DPP6: variants seen among roughly 807,000 people sequenced by gnomAD.
DPP6 encodes the protein dipeptidyl peptidase like 6, also known as A-type potassium channel modulatory protein DPP6.
Under a neutral mutation model 122.6 loss-of-function variants are expected in DPP6, and 69 were observed. The observed-to-expected ratio is 0.56, with a 90% CI of 0.46 to 0.69. The LOEUF (loss-of-function observed/expected upper bound fraction) is 0.69. Ranked by LOEUF, DPP6 falls within the 30% of genes least tolerant of loss-of-function variation. DPP6 has a pLI of 0.00. For synonymous variants in DPP6, 418 were observed against 433.1 expected, an observed-to-expected ratio of 0.97 and a Z score of 0.43; for missense variants, 928 against 1,116.9, an observed-to-expected ratio of 0.83 and a Z score of 2.41.
At chr7:154,579,105 T>G (rs573629916) in intron 5 of DPP6, among the ~76,000 whole-genome samples, 1 of 152,204 alleles carries the variant, frequency 6.6e-6, no homozygotes, top group South Asian at 2.1e-4. Context: ...TCCCAGCACT[T>G]TGGGAGGCCA....
chr7:154,058,548 C>G (rs574297988), intron 1 of DPP6: 1 of 143,786 alleles, frequency 7.0e-6, no homozygotes, highest in Non-Finnish European at 1.5e-5. Flanking sequence ...GCTCTTAGGA[C>G]CCCCATCGCA....
At chr7:153,794,774 G>A in the DPP6 span, among the ~76,000 whole-genome samples, 1 of 152,180 alleles carries the variant, frequency 6.6e-6, no homozygotes, top group Non-Finnish European at 1.5e-5. Flanking sequence ...CCAGGAGGAG[G>A]TAATTAAATC....
At chr7:154,445,639 C>T (rs1819798597) in intron 1 of DPP6, among the ~76,000 whole-genome samples, 1 of 152,054 alleles carries the variant, frequency 6.6e-6, no homozygotes, top group African/African-American at 2.4e-5. Flanking sequence ...AATCTTGAAA[C>T]CTTGAATGAG....
At chr7:154,759,828 A>G (rs769208489) in intron 8 of DPP6, among the ~76,000 whole-genome samples, 4 of 152,222 alleles carry the variant, frequency 2.6e-5, no homozygotes, top group Non-Finnish European at 5.9e-5. Context: ...TTCAGAAAAG[A>G]AAAGCTTTAT....
In DPP6 at chr7:153,929,861, T is replaced by C. The variant is rs143920956; in HGVS notation, c.51+42127T>C. Among the ~76,000 whole-genome samples the C allele has an allele frequency of 2.6e-5, 4 of 152,354 alleles. No homozygotes were observed. The East Asian group carries it at 7.7e-4, about 29-fold the overall frequency. ...TTTGCATTACTTGAAGTGAATTATG[T>C]TCATTTTCCATAATTCTAAGTCAAA... On this transcript the variant is annotated intron_variant, in intron 1 of 25. Coordinates refer to the DPP6 transcript ENST00000404039.
At chr7:154,206,178 C>T (rs536807150) in intron 1 of DPP6, among the ~76,000 whole-genome samples, 2 of 152,234 alleles carry the variant, frequency 1.3e-5, no homozygotes, top group Admixed American at 6.5e-5. Context: ...TGGCCCTTCC[C>T]TCTCTTCTCT....
chr7:154,356,555 A>AT (rs374173912), intron 1 of DPP6, among the ~76,000 whole-genome samples: 2 of 152,128 alleles, frequency 1.3e-5, no homozygotes, highest in African/African-American at 4.8e-5. Flanking sequence ...ACAACATAGC[A>AT]AGACCTTATC....
chr7:154,437,173 G>T (rs922069526), intron 1 of DPP6, among the ~76,000 whole-genome samples: 2 of 152,164 alleles, frequency 1.3e-5, no homozygotes, highest in African/African-American at 2.4e-5. Flanking sequence ...CTCATCAATT[G>T]CCTCTCTGCA....
At chr7:153,816,687 G>C in the DPP6 span, among the ~76,000 whole-genome samples, 1 of 152,122 alleles carries the variant, frequency 6.6e-6, no homozygotes, top group Non-Finnish European at 1.5e-5. Context: ...AAGGAAGACA[G>C]GATCACATTA....
At chr7:154,605,200 G>A (rs1215545425) in intron 5 of DPP6, among the ~76,000 whole-genome samples, 2 of 119,476 alleles carry the variant, frequency 1.7e-5, no homozygotes, top group Non-Finnish European at 3.8e-5. Flanking sequence ...TAAATGAAAT[G>A]TCCAATATTA....
chr7:154,080,428 T>A (rs1803906074), intron 1 of DPP6, among the ~76,000 whole-genome samples: 1 of 152,184 alleles, frequency 6.6e-6, no homozygotes, highest in Non-Finnish European at 1.5e-5. Flanking sequence ...TTCTCTTATG[T>A]AAGAATGTTT....
intron 1 of DPP6, among the ~76,000 whole-genome samples, chr7:154,426,821 A>C (rs569012721): frequency 6.6e-6 from 1 of 151,942 alleles, no homozygotes; most frequent in South Asian, 2.1e-4. Flanking sequence ...AAAAAAAAAA[A>C]AAAAAAAAAA....
At chr7:154,795,367 G>A (rs1466063274) in intron 11 of DPP6, among the ~76,000 whole-genome samples, 2 of 152,194 alleles carry the variant, frequency 1.3e-5, no homozygotes, top group African/African-American at 4.8e-5. Flanking sequence ...ACCACTGTGA[G>A]ACCCACTTTT....
At chr7:154,422,243 G>A (rs1050746556) in intron 1 of DPP6, among the ~76,000 whole-genome samples, 4 of 152,192 alleles carry the variant, frequency 2.6e-5, no homozygotes, top group African/African-American at 9.7e-5. Context: ...AAATCAGGTT[G>A]AGGCTGGTCT....
intron 5 of DPP6, among the ~76,000 whole-genome samples, chr7:154,632,169 G>A (rs766901174): frequency 1.3e-4 from 20 of 152,332 alleles, no homozygotes; most frequent in Middle Eastern, 3.4e-3. Context: ...GGTGATTGGC[G>A]CAAGAGTAGG....
intron 4 of DPP6, among the ~76,000 whole-genome samples, chr7:154,556,139 A>G (rs1830023724): frequency 6.6e-6 from 1 of 152,240 alleles, no homozygotes; most frequent in Non-Finnish European, 1.5e-5. Context: ...CTCAATGACA[A>G]TAATAGCTAA....
chr7:154,053,802 C>A (rs1488819854), intron 1 of DPP6, among the ~76,000 whole-genome samples: 2 of 149,160 alleles, frequency 1.3e-5, no homozygotes, highest in African/African-American at 2.5e-5. Flanking sequence ...AGCACATTTC[C>A]TACTCTTCAT....
At position 154,481,647 on chromosome 7, in the gene DPP6, G is replaced by A. The variant is rs191509766; in HGVS notation, c.457+6610G>A. On this transcript the variant is annotated intron_variant, in intron 3 of 25. Coordinates refer to ENST00000377770, the MANE Select transcript of DPP6 (RefSeq NM_130797.4). This position sits in a 1 kb window ranked among gnomAD's most constrained non-coding sequence, Gnocchi z 4.2. ...TGAACTTCTTTGGATTGCTTCAGAAGTCCATCTTCTTTTCCCCCAGAGTGG... is the reference window on the plus strand; with the variant it reads ...TGAACTTCTTTGGATTGCTTCAGAAATCCATCTTCTTTTCCCCCAGAGTGG... Among the ~76,000 whole-genome samples, 4 of 152,188 alleles carry A rather than the reference G, an allele frequency of 2.6e-5. No individual in the cohort carries two copies. The highest frequency in any genetic ancestry group is 9.6e-5 in the African/African-American group (4 of 41,522).
chr7:154,059,938 C>T (rs1252097410), intron 1 of DPP6, among the ~76,000 whole-genome samples: 1 of 152,030 alleles, frequency 6.6e-6, no homozygotes, highest in Non-Finnish European at 1.5e-5. Context: ...AAAACCTGAA[C>T]ATAAAGGGCC....
Sources: allele counts gnomAD v4.1 joint callset (sites outside exome capture counted in the v4.1 genomes callset), GRCh38; gene constraint gnomAD v4.1.1; non-coding constraint Gnocchi (gnomAD v3.1); transcripts MANE v1.5; gene names NCBI Gene and HGNC (gene_info 2026-07-23, HGNC 2026-07-21).